Variants in ZFHX3 observed in about 807,000 individuals in gnomAD.
ZFHX3 encodes the protein zinc finger homeobox 3.
Under a neutral mutation model 279.1 loss-of-function variants are expected in ZFHX3, and 42 were observed. The observed-to-expected ratio is 0.15, with a 90% CI of 0.12 to 0.19. ZFHX3 has a LOEUF of 0.19. Among genes scored for constraint, ZFHX3 ranks in the 10% least tolerant of loss-of-function variants. The pLI is 1.00. For synonymous variants in ZFHX3, 2,293 were observed against 1,957.8 expected (o/e 1.17, Z -4.52); for missense variants, 4,981 against 4,754.0 (o/e 1.05, Z -1.40).
chr16:73,379,447 GT>G (rs2016782884), intron 3 of ZFHX3, among the ~76,000 whole-genome samples: 1 of 152,138 alleles, frequency 6.6e-6, no homozygotes, highest in Non-Finnish European at 1.5e-5. Context: ...TAAAAGCCAA[GT>G]TCCACCTCTG....
intron 1 of ZFHX3, among the ~76,000 whole-genome samples, chr16:73,723,785 A>C (rs927294450): frequency 1.3e-5 from 2 of 152,210 alleles, no homozygotes; most frequent in Admixed American, 6.5e-5. Flanking sequence ...GGCTGAATTA[A>C]ACGATCTTTA....
intron 1 of ZFHX3, among the ~76,000 whole-genome samples, chr16:73,831,437 T>C (rs1960995286): frequency 6.6e-6 from 1 of 152,050 alleles, no homozygotes; most frequent in South Asian, 2.1e-4. Flanking sequence ...AAGAAACAGA[T>C]GGGAATGGGC....
intron 2 of ZFHX3, among the ~76,000 whole-genome samples, chr16:73,542,945 C>T (rs2020044595): frequency 6.6e-6 from 1 of 152,152 alleles, no homozygotes; most frequent in Non-Finnish European, 1.5e-5. Flanking sequence ...TAACCCCTGG[C>T]TCCTTGCTTG....
chr16:73,578,650 T>C (rs1013374855), intron 2 of ZFHX3, among the ~76,000 whole-genome samples: 6 of 152,272 alleles, frequency 3.9e-5, no homozygotes, highest in African/African-American at 4.8e-5. Context: ...CTCCCACTTA[T>C]AAGGAGTTAA....
At chr16:73,815,415 A>C (rs1597128174) in intron 1 of ZFHX3, among the ~76,000 whole-genome samples, 1 of 151,506 alleles carries the variant, frequency 6.6e-6, no homozygotes, top group African/African-American at 2.4e-5. Context: ...GACCATGAGA[A>C]GTGACCTTCC....
At chr16:73,528,171 A>C (rs1459727618) in intron 2 of ZFHX3, among the ~76,000 whole-genome samples, 1 of 152,192 alleles carries the variant, frequency 6.6e-6, no homozygotes, top group Non-Finnish European at 1.5e-5. Flanking sequence ...TGTTCGTGGG[A>C]AGGGAAATTC....
At chr16:73,176,662 G>A (rs780298506) in intron 5 of ZFHX3, among the ~76,000 whole-genome samples, 1 of 143,974 alleles carries the variant, frequency 6.9e-6, no homozygotes, top group Non-Finnish European at 1.5e-5. Context: ...TTACTTCTCT[G>A]GAAATCATTT....
intron 4 of ZFHX3, among the ~76,000 whole-genome samples, chr16:73,283,539 A>G (rs909566014): frequency 6.6e-6 from 1 of 152,188 alleles, no homozygotes; most frequent in African/African-American, 2.4e-5. Context: ...TGGGGGACCC[A>G]GATAATAAGA....
chr16:73,315,597 G>A (rs549970717), intron 4 of ZFHX3, among the ~76,000 whole-genome samples: 1 of 151,730 alleles, frequency 6.6e-6, no homozygotes, highest in African/African-American at 2.4e-5. Context: ...ATGGGACCAG[G>A]TATTGAAAAA....
Position 73,315,297 on chromosome 16 carries a change from C to T in ZFHX3, c.-1194+2943G>A, listed in dbSNP as rs1416558292. ...TGATACAATGCCTCCTCAGCTTCCC[C>T]TATGTGGTGGAAATGCACAAGTACT... On this transcript the variant is annotated intron_variant, in intron 4 of 17. Coordinates refer to the ZFHX3 transcript ENST00000641206. Among the ~76,000 whole-genome samples, 3 of 152,074 alleles carry T rather than the reference C, an allele frequency of 2.0e-5. No individual in the cohort carries two copies. The East Asian group carries it at 5.8e-4, about 29-fold the overall frequency.
At chr16:72,951,692 C>T (rs961491399) in intron 2 of ZFHX3, among the ~76,000 whole-genome samples, 2 of 152,198 alleles carry the variant, frequency 1.3e-5, no homozygotes, top group African/African-American at 4.8e-5. Context: ...CAGCTGCAAT[C>T]GTAACATACC....
chr16:73,567,895 C>T (rs1020246847), intron 2 of ZFHX3, among the ~76,000 whole-genome samples: 4 of 151,914 alleles, frequency 2.6e-5, no homozygotes, highest in Non-Finnish European at 4.4e-5. Flanking sequence ...GGACATTGAA[C>T]GTAAACCAAT....
intron 2 of ZFHX3, among the ~76,000 whole-genome samples, chr16:73,584,883 A>T (rs926038639): frequency 1.3e-5 from 2 of 152,248 alleles, no homozygotes; most frequent in African/African-American, 4.8e-5. Flanking sequence ...AACTTAAGCA[A>T]ATTTACTAGA....
chr16:73,488,635 T>C (rs1188313892), intron 2 of ZFHX3, among the ~76,000 whole-genome samples: 2 of 152,190 alleles, frequency 1.3e-5, no homozygotes, highest in Non-Finnish European at 2.9e-5. Flanking sequence ...GTTTCCCTCA[T>C]TCCAGGCACT....
chr16:73,660,736 C>A (rs888102079), intron 2 of ZFHX3, among the ~76,000 whole-genome samples: 1 of 152,020 alleles, frequency 6.6e-6, no homozygotes, highest in Non-Finnish European at 1.5e-5. Context: ...TCATCAAAAA[C>A]AAAATGTGAC....
At chr16:73,286,033 G>A (rs1017540230) in intron 4 of ZFHX3, among the ~76,000 whole-genome samples, 2 of 152,048 alleles carry the variant, frequency 1.3e-5, no homozygotes, top group Non-Finnish European at 2.9e-5. Flanking sequence ...AGCAGCCTCC[G>A]CCTGGCTGGA....
At chr16:73,037,430 C>T (rs1221165735) in intron 1 of ZFHX3, among the ~76,000 whole-genome samples, 2 of 152,182 alleles carry the variant, frequency 1.3e-5, no homozygotes, top group Non-Finnish European at 2.9e-5. Context: ...ACCTGCCACC[C>T]AGGGCTGTTC....
intron 3 of ZFHX3, among the ~76,000 whole-genome samples, chr16:72,897,090 G>T (rs1045385957): frequency 1.3e-5 from 2 of 152,180 alleles, no homozygotes; most frequent in African/African-American, 4.8e-5. Flanking sequence ...GAATGTCCCA[G>T]AAAACCCCTG....
At chr16:72,888,732 G>C (rs955569028) in intron 4 of ZFHX3, among the ~76,000 whole-genome samples, 7 of 152,236 alleles carry the variant, frequency 4.6e-5, no homozygotes, top group African/African-American at 1.7e-4. Context: ...GTCAGGCCCA[G>C]CAGGTCCTGG....
Sources: allele counts gnomAD v4.1 joint callset (sites outside exome capture counted in the v4.1 genomes callset), GRCh38; gene constraint gnomAD v4.1.1; transcripts MANE v1.5; gene names NCBI Gene and HGNC (gene_info 2026-07-23, HGNC 2026-07-21).